Variants in PLCB4 observed in about 807,000 individuals in gnomAD.
PLCB4 encodes the protein phospholipase C beta 4.
PLCB4 carries 77 observed loss-of-function variants against 178.8 expected under a neutral mutation model. The observed-to-expected ratio is 0.43, with a 90% CI of 0.36 to 0.52. PLCB4 has a LOEUF of 0.52. Among genes scored for constraint, PLCB4 ranks in the 20% least tolerant of loss-of-function variants. The pLI, the probability that PLCB4 is intolerant of heterozygous loss-of-function variation, is 0.00. For synonymous variants in PLCB4, 496 were observed against 490.8 expected (o/e 1.01, Z -0.14); for missense variants, 1,024 against 1,453.4 (o/e 0.70, Z 4.80).
intron 3 of PLCB4, among the ~76,000 whole-genome samples, chr20:9,257,458 T>C (rs1302171182): frequency 6.6e-6 from 1 of 152,210 alleles, no homozygotes; most frequent in Non-Finnish European, 1.5e-5. Flanking sequence ...AACCCTTTAT[T>C]GCCCAGATAA....
Position 9,409,388 on chromosome 20 carries a change from T to C in PLCB4, c.1999+207T>C, listed in dbSNP as rs149481636. Among the ~76,000 whole-genome samples, 421 of 152,266 alleles carry C rather than the reference T, an allele frequency of 2.8e-3. 1 individual carries two copies. The highest frequency in any genetic ancestry group is 9.8e-3 in the African/African-American group (406 of 41,554). On this transcript the variant is annotated intron_variant, in intron 24 of 39. Transcript: ENST00000378473. ...AATGGTAGAAGATAATGTGTTGTGA[T>C]TGGAATTTAATTCCTTTCATAAATG...
chr20:9,223,207 A>G, intron 3 of PLCB4, among the ~76,000 whole-genome samples: 1 of 152,156 alleles, frequency 6.6e-6, no homozygotes, highest in South Asian at 2.1e-4. Flanking sequence ...CTTTTATGCA[A>G]ACTCATGGGG....
intron 19 of PLCB4, among the ~76,000 whole-genome samples, chr20:9,399,321 T>TA (rs1181729890): frequency 6.6e-6 from 1 of 152,220 alleles, no homozygotes; most frequent in African/African-American, 2.4e-5. Context: ...TTTCACCTGT[T>TA]ATGTGTGTGA....
In PLCB4 at chr20:9,297,862, C is replaced by T. The variant is rs114272712; in HGVS notation, c.-15-9938C>T. Among the ~76,000 whole-genome samples, 870 of 152,186 alleles carry T rather than the reference C, an allele frequency of 5.7e-3. 10 individuals are homozygous for T. The highest frequency in any genetic ancestry group is 0.019 in the African/African-American group (794 of 41,546). ...CAAGGGAATTGCTACAGGCAAACAA[C>T]CAACATCCAAACAATCTTTTGAAAC... On this transcript the variant is annotated intron_variant, in intron 3 of 39. Coordinates refer to ENST00000378473, the MANE Select transcript of PLCB4 (RefSeq NM_001377142.1).
intron 2 of PLCB4, among the ~76,000 whole-genome samples, chr20:9,196,547 A>G (rs1425229510): frequency 1.3e-5 from 2 of 152,176 alleles, no homozygotes. Context: ...AATTCAGGCT[A>G]TGGAAAGATA....
At chr20:9,120,373 C>G (rs1437724452) in intron 2 of PLCB4, among the ~76,000 whole-genome samples, 1 of 152,138 alleles carries the variant, frequency 6.6e-6, no homozygotes, top group Non-Finnish European at 1.5e-5. Context: ...GTGATCCACC[C>G]ACCTTGGCCT....
In PLCB4 at chr20:9,291,540, G is replaced by T. The variant is rs116498761; in HGVS notation, c.-15-16260G>T. 7.3e-3 allele frequency among the ~76,000 whole-genome samples: 1,108 copies of T among 152,166 alleles called. 16 individuals are homozygous for T. Among genetic ancestry groups the T allele is most frequent in the African/African-American group, 0.026 (1,066 of 41,526 alleles). On this transcript the variant is annotated intron_variant, in intron 3 of 39. Coordinates refer to ENST00000378473, the MANE Select transcript of PLCB4 (RefSeq NM_001377142.1). ...ATAAAAAAGACAAAGAGGAAGAAAG[G>T]TTTAGAGATTTTGAAAATAATGTGC...
At chr20:9,162,744 TAATA>T (rs2092909142) in intron 2 of PLCB4, among the ~76,000 whole-genome samples, 1 of 152,184 alleles carries the variant, frequency 6.6e-6, no homozygotes, top group Non-Finnish European at 1.5e-5. Flanking sequence ...TAAATGTGAA[TAATA>T]AATATATTAT....
intron 3 of PLCB4, among the ~76,000 whole-genome samples, chr20:9,251,285 A>G (rs1259786034): frequency 1.3e-5 from 2 of 152,226 alleles, no homozygotes; most frequent in African/African-American, 4.8e-5. Context: ...TATCGGCTGC[A>G]TAGATGTCAC....
chr20:9,381,711 A>G (rs2037158055), intron 13 of PLCB4, among the ~76,000 whole-genome samples: 1 of 152,232 alleles, frequency 6.6e-6, no homozygotes, highest in South Asian at 2.1e-4. Context: ...GTACAAAGCC[A>G]TTCTTATAAA....
chr20:9,263,387 T>C (rs776817430), intron 3 of PLCB4, among the ~76,000 whole-genome samples: 1 of 152,178 alleles, frequency 6.6e-6, no homozygotes, highest in Non-Finnish European at 1.5e-5. Flanking sequence ...TGTCTTTTCT[T>C]TTCTACCAAC....
In PLCB4 at chr20:9,384,328, C is replaced by T. The variant is rs747496843; in HGVS notation, c.981C>T (p.Ser327=). Residue 327 remains serine (S), a synonymous_variant, in exon 14 of 40, where the codon TCC becomes TCT. Transcript: ENST00000378473. ...TGGCTCACTACTTCATCAGTTCTTCCCATAACACTTATCTCACTGGCAGAC... is the reference window on the plus strand; with the variant it reads ...TGGCTCACTACTTCATCAGTTCTTCTCATAACACTTATCTCACTGGCAGAC... ...HPLAHYFISS[S]HNTYLTGRQF... 6 of 1,614,078 alleles carry T rather than the reference C, an allele frequency of 3.7e-6. No homozygotes were observed. The highest frequency in any genetic ancestry group is 5.1e-6 in the Non-Finnish European group (6 of 1,179,966).
chr20:9,329,282 G>T (rs1405367811), intron 4 of PLCB4, among the ~76,000 whole-genome samples: 1 of 152,064 alleles, frequency 6.6e-6, no homozygotes, highest in Non-Finnish European at 1.5e-5. Flanking sequence ...GAAATGATTT[G>T]GGGGCTACTT....
intron 7 of PLCB4, among the ~76,000 whole-genome samples, chr20:9,360,027 TG>T (rs2035184387): frequency 6.6e-6 from 1 of 152,202 alleles, no homozygotes; most frequent in African/African-American, 2.4e-5. Context: ...GCCTTTACCA[TG>T]TCGTGAGGAG....
intron 13 of PLCB4, among the ~76,000 whole-genome samples, chr20:9,380,521 C>A (rs1000179534): frequency 1.3e-5 from 2 of 152,114 alleles, no homozygotes; most frequent in Admixed American, 1.3e-4. Context: ...AAACTTATAC[C>A]TTTTCTTTTT....
intron 3 of PLCB4, among the ~76,000 whole-genome samples, chr20:9,282,766 G>T (rs2094504946): frequency 6.6e-6 from 1 of 151,976 alleles, no homozygotes; most frequent in Non-Finnish European, 1.5e-5. Flanking sequence ...GCCATGGCTG[G>T]CTTGGCTCAG....
intron 3 of PLCB4, among the ~76,000 whole-genome samples, chr20:9,224,017 C>T (rs562408081): frequency 1.6e-4 from 24 of 152,226 alleles, no homozygotes; most frequent in African/African-American, 4.8e-4. Flanking sequence ...TTTTCCATTT[C>T]GTACTTTTGG....
chr20:9,131,301 T>A (rs960482378), intron 2 of PLCB4, among the ~76,000 whole-genome samples: 2 of 152,136 alleles, frequency 1.3e-5, no homozygotes, highest in Non-Finnish European at 2.9e-5. Context: ...CCTTCCTTGC[T>A]TCCTTCCTTC....
chr20:9,147,396 A>G (rs959003315), intron 2 of PLCB4, among the ~76,000 whole-genome samples: 1 of 152,148 alleles, frequency 6.6e-6, no homozygotes, highest in African/African-American at 2.4e-5. Context: ...ATGCTGCATA[A>G]TAAGCAACCA....
Sources: allele counts gnomAD v4.1 joint callset (sites outside exome capture counted in the v4.1 genomes callset), GRCh38; gene constraint gnomAD v4.1.1; transcripts MANE v1.5; gene names NCBI Gene and HGNC (gene_info 2026-07-23, HGNC 2026-07-21).